KIF9: variants seen among roughly 807,000 people sequenced by gnomAD.
KIF9 encodes the protein kinesin-like protein KIF9.
Under a neutral mutation model 94.8 loss-of-function variants are expected in KIF9, and 68 were observed. The ratio of observed to expected loss-of-function variants is 0.72; its 90% confidence interval spans 0.59 to 0.88. The LOEUF (loss-of-function observed/expected upper bound fraction) is 0.88, where lower values mean the gene tolerates loss of function less well. KIF9 is among the 40% of genes least tolerant of loss of function. The probability of loss-of-function intolerance (pLI) is 0.00; values close to 1 mark genes in which losing one functional copy is unlikely to be tolerated. For missense variants in KIF9, 882 were observed against 982.5 expected (o/e 0.90, Z 1.37); for synonymous variants, 343 against 362.1 (o/e 0.95, Z 0.60).
At chr3:47,245,305 C>T in intron 14 of KIF9, 116 bp downstream of exon 14, 2 of 819,256 alleles carry the variant, frequency 2.4e-6, no homozygotes. Context: ...CTGGTGTTAC[C>T]TTTATCTGTT....
chr3:47,271,426 G>A lies in KIF9; in HGVS notation c.402C>T (p.Ala134=), dbSNP rs114089884. The A allele has an allele frequency of 3.5e-4, 558 of 1,614,078 alleles. No individual in the cohort carries two copies. In the African/African-American group the frequency reaches 6.8e-3, roughly 20 times the overall value. The change falls in exon 5 of 21, where the codon GCC becomes GCT. Residue 134 remains alanine (A), a synonymous_variant. Coordinates refer to ENST00000684063, the MANE Select transcript of KIF9 (RefSeq NM_182902.4). ...CCAAGTAGGAAACACGCACAGTGATGGCATGTGTGGGGCGTTCTTCGATCA... is the reference window on the plus strand; with the variant it reads ...CCAAGTAGGAAACACGCACAGTGATAGCATGTGTGGGGCGTTCTTCGATCA... The part of the protein sequence containing the change: ...FRMIEERPTH[A]ITVRVSYLEI...
chr3:47,234,209 T>C (rs1698836856), intron 20 of KIF9, among the ~76,000 whole-genome samples: 1 of 150,852 alleles, frequency 6.6e-6, no homozygotes, highest in Non-Finnish European at 1.5e-5. Flanking sequence ...CAGAAGCTGA[T>C]AGAGGGGGAC....
chr3:47,271,100 T>C (rs1247554723), intron 5 of KIF9, 137 bp downstream of exon 5: 3 of 667,438 alleles, frequency 4.5e-6, no homozygotes, highest in Non-Finnish European at 7.7e-6. Flanking sequence ...GCCATGTTCA[T>C]GCCAGTATAC....
intron 19 of KIF9, among the ~76,000 whole-genome samples, 193 bp downstream of exon 19, chr3:47,235,841 G>GT (rs1425781474): frequency 6.6e-6 from 1 of 152,216 alleles, no homozygotes; most frequent in Non-Finnish European, 1.5e-5. Context: ...GGTGGCAGTA[G>GT]TAAGAGTGGT....
intron 12 of KIF9, 58 bp from the exon 13 acceptor site, chr3:47,246,310 G>T: frequency 1.4e-6 from 2 of 1,446,434 alleles, no homozygotes; most frequent in Non-Finnish European, 1.9e-6. Flanking sequence ...GGACCAGGGG[G>T]CATCTATGTT....
chr3:47,234,554 T>G (rs1370039339), intron 20 of KIF9, among the ~76,000 whole-genome samples: 2 of 132,022 alleles, frequency 1.5e-5, no homozygotes, highest in African/African-American at 5.7e-5. Context: ...TGCCCAGCAT[T>G]TTTTTTTTCT....
intron 10 of KIF9, chr3:47,248,349 C>T (rs1700059980): frequency 2.2e-6 from 1 of 461,772 alleles, no homozygotes; most frequent in Non-Finnish European, 3.8e-6. Context: ...GCACAAGCCA[C>T]ACAGCCACCT....
At chr3:47,255,036 C>T (rs1333192452) in intron 10 of KIF9, among the ~76,000 whole-genome samples, 1 of 152,116 alleles carries the variant, frequency 6.6e-6, no homozygotes, top group Non-Finnish European at 1.5e-5. Flanking sequence ...GCCACAGGGA[C>T]TGTCATTTTC....
intron 10 of KIF9, among the ~76,000 whole-genome samples, chr3:47,252,454 A>T (rs1489281918): frequency 6.6e-6 from 1 of 151,894 alleles, no homozygotes; most frequent in Non-Finnish European, 1.5e-5. Context: ...AAATTAAGTC[A>T]GGCGTGGTGG....
intron 4 of KIF9, among the ~76,000 whole-genome samples, chr3:47,273,164 G>A (rs905554627): frequency 3.3e-5 from 5 of 152,234 alleles, no homozygotes; most frequent in African/African-American, 1.2e-4. Flanking sequence ...GCCAGAGTAG[G>A]CCAGTAAGGA....
At chr3:47,241,818 TATATATAC>T in intron 16 of KIF9, among the ~76,000 whole-genome samples, 1 of 145,322 alleles carries the variant, frequency 6.9e-6, no homozygotes, top group Admixed American at 7.1e-5. Flanking sequence ...TATATATGTA[TATATATAC>T]ACACACACAT....
intron 18 of KIF9, 64 bp downstream of exon 18, chr3:47,236,379 G>T: frequency 6.4e-7 from 1 of 1,554,478 alleles, no homozygotes. Context: ...CAGAACTCAG[G>T]CTGTGGCCTC....
chr3:47,264,348 C>T lies in KIF9; in HGVS notation c.919G>A (p.Gly307Arg), dbSNP rs747432695. The change falls in exon 9 of 21, where the codon GGA becomes AGA. Residue 307 changes from glycine to arginine, a missense_variant and splice_region_variant. Gly to Arg is a moderately radical substitution (Grantham distance 125). Coordinates refer to ENST00000684063, the MANE Select transcript of KIF9 (RefSeq NM_182902.4). The stretch of plus-strand genomic sequence containing the variant: ...GTCACGAGGACCATATTGCAGTTTC[C>T]CCCTGCGGAAAGCAAGACACAGAAG... The part of the protein sequence containing the change: ...LTHALKDSLG[G>R]NCNMVLVTNI... The T allele has an allele frequency of 3.7e-6, 6 of 1,613,166 alleles. No homozygotes were observed. The Admixed American group carries it at 1.0e-4, about 27-fold the overall frequency.
intron 20 of KIF9, among the ~76,000 whole-genome samples, chr3:47,234,316 C>T (rs948620403): frequency 6.6e-6 from 1 of 151,878 alleles, no homozygotes; most frequent in African/African-American, 2.4e-5. Context: ...TCACTGGGAC[C>T]TCCGCCTCCC....
chr3:47,262,277 T>G (rs1472849522), intron 9 of KIF9, among the ~76,000 whole-genome samples: 1 of 151,474 alleles, frequency 6.6e-6, no homozygotes. Context: ...TTTTTTTGTT[T>G]TTTTTTTTTC....
Position 47,246,256 on chromosome 3 carries a change from G to A in KIF9, c.1234-4C>T, listed in dbSNP as rs750717906. 5.0e-6 allele frequency: 8 copies of A among 1,610,708 alleles called. No homozygotes were observed. The highest frequency in any genetic ancestry group is 1.7e-5 in the Admixed American group (1 of 59,780). ...TGATCTGTCTAAGGCTGATTATCTG[G>A]AGGGAAGACAGCAAGGCAGAGGTTA... is the stretch of plus-strand genomic sequence containing the variant. On this transcript the variant is annotated splice_region_variant and splice_polypyrimidine_tract_variant and intron_variant, in intron 12 of 20. Coordinates refer to ENST00000684063, the MANE Select transcript of KIF9 (RefSeq NM_182902.4).
intron 9 of KIF9, among the ~76,000 whole-genome samples, chr3:47,258,242 G>A (rs1700745992): frequency 1.3e-5 from 2 of 152,130 alleles, no homozygotes; most frequent in African/African-American, 4.8e-5. Context: ...GTGGGGTTTT[G>A]TTTGTTTTGT....
chr3:47,275,233 G>A, intron 3 of KIF9, 92 bp downstream of exon 3: 1 of 961,884 alleles, frequency 1.0e-6, no homozygotes. Flanking sequence ...ACAAATGATA[G>A]TGAGTGAGCT....
At chr3:47,239,362 G>A (rs1182995909) in intron 17 of KIF9, among the ~76,000 whole-genome samples, 1 of 152,226 alleles carries the variant, frequency 6.6e-6, no homozygotes. Context: ...GAGCAGAGAG[G>A]ACAAAGAAGT....
Sources: gnomAD v4.1 joint callset for allele counts (sites outside exome capture counted in the v4.1 genomes callset) on GRCh38, gnomAD v4.1.1 for gene constraint, MANE v1.5 for transcripts, NCBI Gene and HGNC (gene_info 2026-07-23, HGNC 2026-07-21) for gene names.